Variants in ATP9B observed in about 807,000 individuals in gnomAD.
ATP9B encodes the protein probable phospholipid-transporting ATPase IIB.
A neutral mutation model predicts 146.1 loss-of-function variants in ATP9B; 110 were observed. That is an observed-to-expected ratio of 0.75 (90% CI 0.65 to 0.88). The LOEUF (loss-of-function observed/expected upper bound fraction) is 0.88, where lower values mean the gene tolerates loss of function less well. ATP9B is among the 40% of genes least tolerant of loss of function. The probability of loss-of-function intolerance (pLI) is 0.00; values close to 1 mark genes in which losing one functional copy is unlikely to be tolerated. For missense variants in ATP9B, 1,499 were observed against 1,496.4 expected (o/e 1.00, Z -0.03); for synonymous variants, 604 against 569.7 (o/e 1.06, Z -0.86).
intron 27 of ATP9B, among the ~76,000 whole-genome samples, chr18:79,373,549 G>T (rs1201767051): frequency 1.3e-5 from 2 of 149,620 alleles, no homozygotes; most frequent in Non-Finnish European, 2.9e-5. Flanking sequence ...GAGTGCAGTG[G>T]TGTGGTCTCA....
chr18:79,221,678 G>C (rs1415507593), intron 11 of ATP9B, among the ~76,000 whole-genome samples: 1 of 152,122 alleles, frequency 6.6e-6, no homozygotes, highest in Non-Finnish European at 1.5e-5. Flanking sequence ...CTGAGATTAT[G>C]CCACTGCACT....
chr18:79,167,946 C>T lies in ATP9B; in HGVS notation c.779-8867C>T, dbSNP rs575937345. On this transcript the variant is annotated intron_variant, in intron 7 of 29. Coordinates refer to ENST00000426216, the MANE Select transcript of ATP9B (RefSeq NM_198531.5). ...GCAGGCCTGCCCCGAGCCACCCTCC[C>T]GTGCTTGTTGGCGCCCAAAGTCTGG... Among the ~76,000 whole-genome samples, 222 of 152,330 alleles carry T rather than the reference C, an allele frequency of 1.5e-3. 3 individuals are homozygous for T. Among genetic ancestry groups the T allele is most frequent in the African/African-American group, 5.0e-3 (208 of 41,576 alleles).
At chr18:79,153,772 T>A (rs1338368987) in intron 6 of ATP9B, among the ~76,000 whole-genome samples, 1 of 151,228 alleles carries the variant, frequency 6.6e-6, no homozygotes, top group African/African-American at 2.4e-5. Flanking sequence ...GCCCTCAGCC[T>A]CCCTAGTAGC....
In ATP9B at chr18:79,108,262, A is replaced by G. The variant is rs1283423247; in HGVS notation, c.294-2093A>G. ...ACAAGCAAGAGGTAAGGTGAGAGAA[A>G]TAGTCATTGAAAGCTTACTCTATTT... On this transcript the variant is annotated intron_variant, in intron 2 of 29. Coordinates refer to ENST00000426216, the MANE Select transcript of ATP9B (RefSeq NM_198531.5). Among the ~76,000 whole-genome samples the G allele has an allele frequency of 2.0e-5, 3 of 152,210 alleles. No individual in the cohort carries two copies. The East Asian group carries it at 5.8e-4, about 29-fold the overall frequency.
chr18:79,086,991 C>T (rs1423373596), intron 1 of ATP9B, among the ~76,000 whole-genome samples: 2 of 152,164 alleles, frequency 1.3e-5, no homozygotes, highest in Non-Finnish European at 2.9e-5. Context: ...GCTGCTGTAA[C>T]AGGATATCTG....
chr18:79,264,546 T>G (rs1257721662), intron 12 of ATP9B, among the ~76,000 whole-genome samples: 3 of 152,300 alleles, frequency 2.0e-5, no homozygotes, highest in African/African-American at 7.2e-5. Context: ...AGGTTTTTTT[T>G]TTGTTGGTTA....
rs566959242 is a variant in ATP9B, at chr18:79,332,255, C to T, written c.2028+2151C>T. Among the ~76,000 whole-genome samples, 64 of 151,786 alleles carry T rather than the reference C, an allele frequency of 4.2e-4. 1 individual carries two copies. The highest frequency in any genetic ancestry group is 1.4e-3 in the African/African-American group (60 of 41,534). On this transcript the variant is annotated intron_variant, in intron 17 of 29. Coordinates refer to ENST00000426216, the MANE Select transcript of ATP9B (RefSeq NM_198531.5). ...CCCTCCTGGCTAACACGGTGAAACC[C>T]CATCTCTACTAAAAATACAAAAAAT...
chr18:79,354,559 A>C (rs2096939298), intron 25 of ATP9B: 1 of 106,848 alleles, frequency 9.4e-6, no homozygotes, highest in Non-Finnish European at 1.7e-5. Context: ...ACAGAGTGAG[A>C]CCGTGTCTCA....
intron 19 of ATP9B, among the ~76,000 whole-genome samples, chr18:79,338,967 G>A (rs1328369952): frequency 6.6e-6 from 1 of 152,224 alleles, no homozygotes; most frequent in African/African-American, 2.4e-5. Context: ...AAGATGCTGT[G>A]CCATGGACAG....
intron 28 of ATP9B, among the ~76,000 whole-genome samples, chr18:79,374,790 G>A (rs2097093885): frequency 6.6e-6 from 1 of 152,250 alleles, no homozygotes; most frequent in Non-Finnish European, 1.5e-5. Flanking sequence ...GTTATAATGT[G>A]CTAGTTATTT....
chr18:79,355,867 C>T (rs994991107), intron 25 of ATP9B, among the ~76,000 whole-genome samples: 1 of 152,114 alleles, frequency 6.6e-6, no homozygotes, highest in Non-Finnish European at 1.5e-5. Context: ...TTGAAAGCAG[C>T]CAGTGAGGAG....
intron 10 of ATP9B, among the ~76,000 whole-genome samples, chr18:79,213,309 G>A (rs909192532): frequency 1.3e-5 from 2 of 151,948 alleles, no homozygotes; most frequent in African/African-American, 2.4e-5. Context: ...AGAGATAAGT[G>A]CCCTTTAGCC....
In ATP9B at chr18:79,176,829, A is replaced by C; in HGVS notation, c.795A>C (p.Arg265=). The C allele has an allele frequency of 6.2e-7, 1 of 1,614,106 alleles. No homozygotes were observed. The highest frequency in any genetic ancestry group is 8.5e-7 in the Non-Finnish European group (1 of 1,180,016). The part of the protein sequence containing the change: ...TSEKAGSCFI[R]TDQLDGETDW... ...ACTTCCAAGGTTCGTGTTTTATTCG[A>C]ACTGATCAACTAGATGGTGAAACTG... Residue 265 remains arginine (R), a synonymous_variant, in exon 8 of 30, where the codon CGA becomes CGC. Transcript: ENST00000426216.
At chr18:79,229,940 C>T (rs1235169399) in intron 11 of ATP9B, among the ~76,000 whole-genome samples, 1 of 151,750 alleles carries the variant, frequency 6.6e-6, no homozygotes, top group Non-Finnish European at 1.5e-5. Context: ...GTTGTAACTA[C>T]ATGTCCTGTT....
At chr18:79,315,844 A>G (rs1244726121) in intron 15 of ATP9B, among the ~76,000 whole-genome samples, 1 of 152,216 alleles carries the variant, frequency 6.6e-6, no homozygotes. Flanking sequence ...CAGCCTGTGC[A>G]TGAGATTCAG....
At chr18:79,123,228 C>G (rs141892674) in intron 4 of ATP9B, among the ~76,000 whole-genome samples, 2 of 152,188 alleles carry the variant, frequency 1.3e-5, no homozygotes, top group African/African-American at 4.8e-5. Flanking sequence ...AGCAGGGTTG[C>G]AGGATACAAG....
intron 12 of ATP9B, among the ~76,000 whole-genome samples, chr18:79,261,690 C>G (rs1160624255): frequency 6.6e-6 from 1 of 152,140 alleles, no homozygotes. Context: ...TCATTTTTTA[C>G]AAAATGCTTC....
At chr18:79,161,847 A>G (rs1013861326) in intron 7 of ATP9B, among the ~76,000 whole-genome samples, 1 of 152,096 alleles carries the variant, frequency 6.6e-6, no homozygotes, top group African/African-American at 2.4e-5. Flanking sequence ...CTCCGTCTCA[A>G]AAAAAAAGAA....
chr18:79,299,339 C>G (rs745709026), intron 13 of ATP9B, among the ~76,000 whole-genome samples: 1 of 152,166 alleles, frequency 6.6e-6, no homozygotes, highest in Non-Finnish European at 1.5e-5. Flanking sequence ...GTGTCTCTTC[C>G]ATTCACAGGC....
Sources: gnomAD v4.1 joint callset for allele counts (sites outside exome capture counted in the v4.1 genomes callset) on GRCh38, gnomAD v4.1.1 for gene constraint, MANE v1.5 for transcripts, NCBI Gene and HGNC (gene_info 2026-07-23, HGNC 2026-07-21) for gene names.